Variants in BCAS3 observed in about 807,000 individuals in gnomAD.
BCAS3 encodes BCAS3 microtubule associated cell migration factor.
In BCAS3, 53 loss-of-function variants were observed where a neutral mutation model predicts 116.1. The ratio of observed to expected loss-of-function variants is 0.46; its 90% CI spans 0.37 to 0.57. The LOEUF (loss-of-function observed/expected upper bound fraction) is 0.57, where lower values mean the gene tolerates loss of function less well. Among genes scored for constraint, BCAS3 ranks in the 20% least tolerant of loss-of-function variants. The probability of loss-of-function intolerance (pLI) is 0.00; values close to 1 mark genes in which losing one functional copy is unlikely to be tolerated. For missense variants in BCAS3, 917 were observed against 1,165.4 expected, an observed-to-expected ratio of 0.79 and a Z score of 3.10; for synonymous variants, 391 against 408.2, an observed-to-expected ratio of 0.96 and a Z score of 0.51.
At chr17:61,234,854 C>T (rs2082909108) in intron 22 of BCAS3, among the ~76,000 whole-genome samples, 1 of 150,992 alleles carries the variant, frequency 6.6e-6, no homozygotes, top group South Asian at 2.1e-4. Flanking sequence ...CCTCACAAAG[C>T]ACTAGGCTTT....
Position 61,261,930 on chromosome 17 carries a change from C to T in BCAS3, c.2426-106397C>T, listed in dbSNP as rs749624436. 5.3e-5 allele frequency among the ~76,000 whole-genome samples: 8 copies of T among 152,138 alleles called. No homozygotes were observed. In the East Asian group the frequency reaches 9.6e-4, roughly 18 times the overall value. ...AGCTTTAGAATTTAGGATGGTTTTC[C>T]TAGTGAAGAGAAAGCTAAGAGAGAT... On this transcript the variant is annotated intron_variant, in intron 22 of 23. Coordinates refer to ENST00000407086, the MANE Select transcript of BCAS3 (RefSeq NM_017679.5). This position sits in a 1 kb window ranked among gnomAD's most constrained non-coding sequence, Gnocchi z 4.4.
chr17:61,221,024 C>T (rs180768782), intron 22 of BCAS3, among the ~76,000 whole-genome samples: 1 of 152,086 alleles, frequency 6.6e-6, no homozygotes, highest in Admixed American at 6.5e-5. Flanking sequence ...GGCATGAACC[C>T]GGGAGGCAGA....
intron 5 of BCAS3, among the ~76,000 whole-genome samples, chr17:60,744,335 A>T (rs1037255748): frequency 2.0e-5 from 3 of 152,250 alleles, no homozygotes; most frequent in African/African-American, 7.2e-5. Flanking sequence ...TGACAGCCTT[A>T]TAAAAAATCA....
At chr17:61,262,629 C>T (rs1209396840) in intron 22 of BCAS3, among the ~76,000 whole-genome samples, 1 of 152,084 alleles carries the variant, frequency 6.6e-6, no homozygotes, top group Non-Finnish European at 1.5e-5. Flanking sequence ...GATCCACCCG[C>T]CTCGGCCTCC....
At chr17:61,040,922 C>A (rs749350329) in intron 19 of BCAS3, 30 bp downstream of exon 19, 2 of 1,546,686 alleles carry the variant, frequency 1.3e-6, no homozygotes, top group Admixed American at 3.3e-5. Context: ...TTTTTCCTTT[C>A]GTATGGTCTA....
chr17:61,115,986 C>T (rs1260333456), intron 22 of BCAS3, among the ~76,000 whole-genome samples: 2 of 149,374 alleles, frequency 1.3e-5, no homozygotes, highest in Non-Finnish European at 3.0e-5. Flanking sequence ...TAAACTATCG[C>T]AAGAACAAAA....
intron 22 of BCAS3, among the ~76,000 whole-genome samples, chr17:61,100,141 C>T (rs1471106242): frequency 6.6e-6 from 1 of 152,196 alleles, no homozygotes; most frequent in Admixed American, 6.5e-5. Context: ...TTACACTTGA[C>T]ACTTAGTTGA....
At chr17:60,850,063 A>T (rs2052940204) in intron 7 of BCAS3, among the ~76,000 whole-genome samples, 1 of 151,810 alleles carries the variant, frequency 6.6e-6, no homozygotes, top group Admixed American at 6.6e-5. Flanking sequence ...TGGTGCCTGG[A>T]CTCCCCTATT....
intron 22 of BCAS3, among the ~76,000 whole-genome samples, chr17:61,232,366 C>T (rs182344613): frequency 6.6e-6 from 1 of 150,922 alleles, no homozygotes; most frequent in Non-Finnish European, 1.5e-5. Flanking sequence ...ATGACAGATA[C>T]TGATTGTAAT....
At chr17:61,230,884 C>T (rs76097504) in intron 22 of BCAS3, among the ~76,000 whole-genome samples, 2,686 of 151,818 alleles carry the variant, frequency 0.018, 69 homozygotes, top group African/African-American at 0.061. Context: ...CTTTCCACAA[C>T]GGCTGAACTA....
At chr17:60,852,134 G>GT (rs201461939) in intron 7 of BCAS3, among the ~76,000 whole-genome samples, 5,567 of 146,582 alleles carry the variant, frequency 0.038, 245 homozygotes, top group African/African-American at 0.1. Context: ...TATTCCCGTG[G>GT]TTTTTTTTTT....
chr17:60,987,398 G>A (rs966764113), intron 14 of BCAS3, among the ~76,000 whole-genome samples: 1 of 151,254 alleles, frequency 6.6e-6, no homozygotes. Flanking sequence ...TATTTTGATA[G>A]GGATTGCATT....
chr17:61,064,997 G>A (rs1466970718), intron 19 of BCAS3, among the ~76,000 whole-genome samples: 1 of 152,088 alleles, frequency 6.6e-6, no homozygotes, highest in Non-Finnish European at 1.5e-5. Context: ...CATTTAAATT[G>A]TCACATTTAT....
chr17:60,907,701 A>G (rs2058259171), intron 11 of BCAS3, among the ~76,000 whole-genome samples: 1 of 152,186 alleles, frequency 6.6e-6, no homozygotes, highest in Non-Finnish European at 1.5e-5. Flanking sequence ...GATACCTCAG[A>G]TTGTGAGGAC....
rs998761038 is a variant in BCAS3, at chr17:61,327,019, A to G, written c.2426-41308A>G. On this transcript the variant is annotated intron_variant, in intron 22 of 23. Transcript: ENST00000407086. The surrounding 1 kb of genome is among the most constrained non-coding windows in gnomAD (Gnocchi z 5.9). ...CAATAAAATTTTTAATTAAAAAACA[A>G]AACAGGCCGGGCGCGGTGGCTCACA... Among the ~76,000 whole-genome samples, 9 of 152,210 alleles carry G rather than the reference A, an allele frequency of 5.9e-5. No homozygotes were observed. Among genetic ancestry groups the G allele is most frequent in the Admixed American group, 5.9e-4 (9 of 15,278 alleles).
In BCAS3 at chr17:61,172,936, T is replaced by C. The variant is rs1462502449; in HGVS notation, c.2425+88372T>C. ...CCGGGAGGCGGAGCTTGCAGTGAGC[T>C]GAGATGACGCCACTGCACTCCAGCC... On this transcript the variant is annotated intron_variant, in intron 22 of 23. Coordinates refer to ENST00000407086, the MANE Select transcript of BCAS3 (RefSeq NM_017679.5). Among the ~76,000 whole-genome samples the C allele has an allele frequency of 2.0e-5, 3 of 151,586 alleles. No homozygotes were observed. The East Asian group carries it at 5.9e-4, about 30-fold the overall frequency.
intron 22 of BCAS3, among the ~76,000 whole-genome samples, chr17:61,236,360 C>T (rs1396901405): frequency 2.0e-5 from 3 of 152,206 alleles, no homozygotes; most frequent in African/African-American, 7.2e-5. Flanking sequence ...CGCTCTGTCA[C>T]CCAGGCTGGA....
intron 4 of BCAS3, among the ~76,000 whole-genome samples, chr17:60,693,117 C>G (rs1162159744): frequency 6.6e-6 from 1 of 151,878 alleles, no homozygotes; most frequent in Non-Finnish European, 1.5e-5. Flanking sequence ...CTCAGGTCAT[C>G]TGCCCGCTTT....
intron 6 of BCAS3, among the ~76,000 whole-genome samples, chr17:60,791,797 G>T (rs1290292396): frequency 6.6e-6 from 1 of 152,068 alleles, no homozygotes; most frequent in Non-Finnish European, 1.5e-5. Flanking sequence ...TCTTTTTTAT[G>T]TATTTATGTA....
Sources: allele counts gnomAD v4.1 joint callset (sites outside exome capture counted in the v4.1 genomes callset), GRCh38; gene constraint gnomAD v4.1.1; non-coding constraint Gnocchi (gnomAD v3.1); transcripts MANE v1.5; gene names NCBI Gene and HGNC (gene_info 2026-07-23, HGNC 2026-07-21).